LIG1: variants seen among roughly 807,000 people sequenced by gnomAD.
The protein encoded by LIG1 is ligase I, DNA, ATP-dependent.
A neutral mutation model predicts 115.7 loss-of-function variants in LIG1; 70 were observed. The ratio of observed to expected loss-of-function variants is 0.60; its 90% CI spans 0.50 to 0.74. LIG1 has a LOEUF of 0.74. Among genes scored for constraint, LIG1 ranks in the 30% least tolerant of loss-of-function variants. The probability of loss-of-function intolerance (pLI) is 0.00; values close to 1 mark genes in which losing one functional copy is unlikely to be tolerated. For synonymous variants in LIG1, 487 were observed against 495.3 expected (o/e 0.98, Z 0.22); for missense variants, 1,115 against 1,225.6 (o/e 0.91, Z 1.35).
intron 11 of LIG1, among the ~76,000 whole-genome samples, chr19:48,143,237 G>A (rs2034889545): frequency 6.6e-6 from 1 of 152,206 alleles, no homozygotes; most frequent in African/African-American, 2.4e-5. Context: ...TGATGACTCA[G>A]GGTGGACTAG....
At chr19:48,130,844 G>C (rs2033971196) in intron 19 of LIG1, among the ~76,000 whole-genome samples, 1 of 152,170 alleles carries the variant, frequency 6.6e-6, no homozygotes, top group Admixed American at 6.5e-5. Flanking sequence ...TTGGTTCAGG[G>C]GGACATCAGT....
At chr19:48,129,399 C>G (rs116698018) in intron 19 of LIG1, among the ~76,000 whole-genome samples, 65 of 151,998 alleles carry the variant, frequency 4.3e-4, no homozygotes, top group Non-Finnish European at 9.0e-4. Context: ...CTGTGGAGCC[C>G]GGATCTCCAC....
chr19:48,143,071 G>A (rs1348668195), intron 11 of LIG1, among the ~76,000 whole-genome samples: 1 of 152,160 alleles, frequency 6.6e-6, no homozygotes, highest in African/African-American at 2.4e-5. Context: ...ATGCTGCTGA[G>A]AAGGACCAGG....
At chr19:48,167,635 G>A (rs1267972113) in intron 1 of LIG1, among the ~76,000 whole-genome samples, 2 of 151,940 alleles carry the variant, frequency 1.3e-5, no homozygotes, top group African/African-American at 2.4e-5. Flanking sequence ...GACCAGCCTG[G>A]CCCGCATGGT....
At chr19:48,123,792 C>A (rs779945456) in intron 21 of LIG1, among the ~76,000 whole-genome samples, 1 of 151,742 alleles carries the variant, frequency 6.6e-6, no homozygotes, top group African/African-American at 2.4e-5. Context: ...CCCACCTCAG[C>A]CTCCCAAAGT....
At chr19:48,120,844 T>G (rs2033213693) in intron 24 of LIG1, 1 of 813,282 alleles carries the variant, frequency 1.2e-6, no homozygotes, top group Non-Finnish European at 1.6e-6. Flanking sequence ...AGGAGGAACC[T>G]GAATCCCTAA....
At chr19:48,154,148 G>A in intron 5 of LIG1, 181 bp from the exon 6 acceptor site, 4 of 656,108 alleles carry the variant, frequency 6.1e-6, no homozygotes, top group South Asian at 1.6e-5. Context: ...TCCTGGCTGT[G>A]TGACCTTGGG....
At chr19:48,148,292 G>A (rs76841736) in intron 9 of LIG1, among the ~76,000 whole-genome samples, 1 of 152,092 alleles carries the variant, frequency 6.6e-6, no homozygotes, top group Non-Finnish European at 1.5e-5. Context: ...TGGCCAACAT[G>A]GTGAAACCCG....
chr19:48,162,433 CTTTTT>C (rs781263098), intron 2 of LIG1, 82 bp from the exon 3 acceptor site: 573 of 630,140 alleles, frequency 9.1e-4, no homozygotes, highest in East Asian at 1.2e-3. Context: ...CTATAACTTC[CTTTTT>C]TTTTTTTTTT....
intron 1 of LIG1, 47 bp from the exon 2 acceptor site, chr19:48,165,670 G>C: frequency 1.5e-6 from 2 of 1,332,476 alleles, no homozygotes; most frequent in Non-Finnish European, 2.2e-6. Flanking sequence ...GTTGTGCAGA[G>C]ATCTAAACAC....
intron 15 of LIG1, 112 bp from the exon 16 acceptor site, chr19:48,135,891 GCCCCCTC>G: frequency 1.1e-6 from 1 of 928,770 alleles, no homozygotes; most frequent in Non-Finnish European, 1.7e-6. Flanking sequence ...GGCCCAAGAC[GCCCCCTC>G]CCCCCCACCC....
rs764903615 is a variant in LIG1 at position 48,127,957 on chromosome 19, T to G, written c.1885A>C (p.Lys629Gln). ...DTEAVAWDRE[K>Q]KQIQPFQVLT... ...ACTTGGAATGGCTGGATCTGCTTCT[T>G]TTCCCGGTCCCAAGCCACGGCTTCG... The change falls in exon 20 of 28, where the codon AAG becomes CAG. Residue 629 changes from lysine to glutamine, a missense_variant. Transcript: ENST00000263274. 4 of 1,614,072 alleles carry G rather than the reference T, an allele frequency of 2.5e-6. No homozygotes were observed. The African/African-American group carries it at 5.3e-5, about 22-fold the overall frequency.
chr19:48,134,079 G>T lies in LIG1; in HGVS notation c.1524-13C>A, dbSNP rs748346416. On this transcript the variant is annotated splice_polypyrimidine_tract_variant and intron_variant, in intron 16 of 27. Coordinates refer to ENST00000263274, the MANE Select transcript of LIG1 (RefSeq NM_000234.3). ...GTCGGGAACCTCGCTGGGGTGGCGG[G>T]TGAGAACAAGATAGGGGAAGCCTTT... 6.4e-7 allele frequency: 1 copy of T among 1,552,036 alleles called. No homozygotes were observed. The highest frequency in any genetic ancestry group is 8.7e-7 in the Non-Finnish European group (1 of 1,146,592).
At chr19:48,147,630 G>A (rs1233422497) in intron 9 of LIG1, among the ~76,000 whole-genome samples, 1 of 146,976 alleles carries the variant, frequency 6.8e-6, no homozygotes, top group Non-Finnish European at 1.5e-5. Context: ...GGGTAACAGA[G>A]CAAGACCCTG....
At chr19:48,117,935 A>G (rs1162645842) in intron 25 of LIG1, 154 bp from the exon 26 acceptor site, 6 of 751,274 alleles carry the variant, frequency 8.0e-6, no homozygotes, top group Non-Finnish European at 1.2e-5. Flanking sequence ...AAGAAACAAG[A>G]CACCCCCTTG....
chr19:48,149,543 G>A (rs3730913), intron 9 of LIG1, among the ~76,000 whole-genome samples: 43,391 of 152,024 alleles, frequency 0.29, 8,158 homozygotes, highest in African/African-American at 0.54. Context: ...AGCAAACTCC[G>A]ACCCTGGACC....
At position 48,117,698 on chromosome 19, in the gene LIG1, C is replaced by T. The variant is rs1446911914; in HGVS notation, c.2523G>A (p.Val841=). The change falls in exon 26 of 28, where the codon GTG becomes GTA. Residue 841 remains valine (V), a synonymous_variant. Coordinates refer to ENST00000263274, the MANE Select transcript of LIG1 (RefSeq NM_000234.3). ...AGAGGTCAGCGCACTTCACCTCCCA[C>T]ACAGCGCTGGGGTCCAGCCAGTGGT... ...IPDHWLDPSA[V]WEVKCADLSL... is the part of the protein sequence containing the mutation. 1 of 1,612,650 alleles carries T rather than the reference C, an allele frequency of 6.2e-7. No individual in the cohort carries two copies. The highest frequency in any genetic ancestry group is 2.2e-5 in the East Asian group (1 of 44,854).
chr19:48,135,562 G>T lies in LIG1; in HGVS notation c.1523+118C>A, dbSNP rs573554936. On this transcript the variant is annotated intron_variant, in intron 16 of 27. Transcript: ENST00000263274. ...TCTGCTCTCAGTCACCCCGTGACCG[G>T]CACTCGTGATGCCTGTCCGTCACTT... is the stretch of plus-strand genomic sequence containing the variant. 58 of 828,802 alleles carry T rather than the reference G, an allele frequency of 7.0e-5. No individual in the cohort carries two copies. In the South Asian group the frequency reaches 7.4e-4, roughly 11 times the overall value. 51.3% of individuals were successfully genotyped at this position (828,802 alleles called of 1,614,324 possible). A position where few individuals can be genotyped will look rare whatever the true frequency, so the allele number is the denominator to read the frequency against.
intron 25 of LIG1, 67 bp from the exon 26 acceptor site, chr19:48,117,848 G>C (rs1350186184): frequency 1.3e-6 from 2 of 1,571,370 alleles, no homozygotes; most frequent in Non-Finnish European, 1.7e-6. Flanking sequence ...AAGTGTTGGA[G>C]GGCTGGGGAG....
Sources: allele counts gnomAD v4.1 joint callset (sites outside exome capture counted in the v4.1 genomes callset), GRCh38; gene constraint gnomAD v4.1.1; transcripts MANE v1.5; gene names NCBI Gene and HGNC (gene_info 2026-07-23, HGNC 2026-07-21).